Variants in POC1B observed in about 807,000 individuals in gnomAD.
The protein encoded by POC1B is POC1 centriolar protein B, also known as POC1 centriolar protein homolog B.
A neutral mutation model predicts 60.6 loss-of-function variants in POC1B; 44 were observed. That is an observed-to-expected ratio of 0.73 (90% CI 0.57 to 0.93). The LOEUF is 0.93. Among genes scored for constraint, POC1B ranks in the 40% least tolerant of loss-of-function variants. The pLI, the probability that POC1B is intolerant of heterozygous loss-of-function variation, is 0.00. For missense variants in POC1B, 555 were observed against 572.3 expected (o/e 0.97, Z 0.31); for synonymous variants, 180 against 198.9 (o/e 0.90, Z 0.80).
At chr12:89,405,511 C>T in the POC1B span, among the ~76,000 whole-genome samples, 1 of 151,880 alleles carries the variant, frequency 6.6e-6, no homozygotes, top group South Asian at 2.1e-4. Context: ...GGCATGGTGG[C>T]GTATGCCTGT....
chr12:89,470,755 T>C (rs540185088), intron 6 of POC1B, among the ~76,000 whole-genome samples: 4 of 152,312 alleles, frequency 2.6e-5, no homozygotes, highest in South Asian at 4.1e-4. Context: ...TTTGGATATA[T>C]TGCCAATAAA....
chr12:89,454,998 A>G (rs928876442), intron 10 of POC1B, among the ~76,000 whole-genome samples: 2 of 150,016 alleles, frequency 1.3e-5, no homozygotes, highest in Non-Finnish European at 2.9e-5. Flanking sequence ...TTTTATTACC[A>G]TGGTTCATAT....
At chr12:89,463,632 T>G (rs1049144210) in intron 9 of POC1B, among the ~76,000 whole-genome samples, 6 of 152,226 alleles carry the variant, frequency 3.9e-5, no homozygotes, top group African/African-American at 1.2e-4. Context: ...TTCTCATGTT[T>G]TTAATTAAGA....
intron 10 of POC1B, among the ~76,000 whole-genome samples, chr12:89,439,553 G>A (rs1034276840): frequency 6.6e-6 from 1 of 152,132 alleles, no homozygotes; most frequent in African/African-American, 2.4e-5. Flanking sequence ...TGATGCTCAA[G>A]CACACTGTCC....
At chr12:89,498,374 T>C (rs11105303) in intron 2 of POC1B, among the ~76,000 whole-genome samples, 79,642 of 152,092 alleles carry the variant, frequency 0.52, 21,239 homozygotes, top group African/African-American at 0.61. Flanking sequence ...ACAAATTTTA[T>C]TATATGCATG....
At chr12:89,431,694 C>T (rs954085076) in intron 10 of POC1B, among the ~76,000 whole-genome samples, 2 of 152,162 alleles carry the variant, frequency 1.3e-5, no homozygotes, top group Admixed American at 6.5e-5. Flanking sequence ...TTATTTAGCA[C>T]CTATGTGCCA....
At chr12:89,430,858 G>C (rs1053742957) in intron 10 of POC1B, among the ~76,000 whole-genome samples, 1 of 152,074 alleles carries the variant, frequency 6.6e-6, no homozygotes, top group Non-Finnish European at 1.5e-5. Context: ...TCCTGCATCA[G>C]CTGAGCCAAT....
intron 2 of POC1B, chr12:89,500,928 T>G: frequency 1.0e-6 from 1 of 969,284 alleles, no homozygotes; most frequent in South Asian, 1.5e-5. Context: ...AAAAAGTGAA[T>G]CCAGTCCCAT....
At chr12:89,463,597 T>C (rs1158151089) in intron 9 of POC1B, among the ~76,000 whole-genome samples, 1 of 151,884 alleles carries the variant, frequency 6.6e-6, no homozygotes, top group Non-Finnish European at 1.5e-5. Flanking sequence ...TTCTTTCCCA[T>C]CAAAAAAAAG....
At chr12:89,497,374 T>C in intron 2 of POC1B, 32 bp from the exon 3 acceptor site, 1 of 1,587,528 alleles carries the variant, frequency 6.3e-7, no homozygotes, top group Non-Finnish European at 8.6e-7. Flanking sequence ...AAACCACTGT[T>C]TGTTAAAATG....
chr12:89,402,488 C>T, the POC1B span, among the ~76,000 whole-genome samples: 5 of 152,154 alleles, frequency 3.3e-5, no homozygotes, highest in Admixed American at 6.6e-5. Context: ...GCCCAGTACC[C>T]AATAGTTATC....
At chr12:89,512,142 G>A (rs1870219656) in intron 2 of POC1B, among the ~76,000 whole-genome samples, 1 of 152,158 alleles carries the variant, frequency 6.6e-6, no homozygotes. Flanking sequence ...CTTTAATACT[G>A]TAATATGGTC....
intron 7 of POC1B, 53 bp from the exon 8 acceptor site, chr12:89,467,738 G>A: frequency 7.3e-7 from 1 of 1,375,956 alleles, no homozygotes; most frequent in Non-Finnish European, 1.0e-6. Context: ...GCTTTCTCAT[G>A]GCCAAGAAGA....
At chr12:89,402,092 T>G in the POC1B span, among the ~76,000 whole-genome samples, 2 of 152,212 alleles carry the variant, frequency 1.3e-5, no homozygotes, top group African/African-American at 2.4e-5. Flanking sequence ...CCGGTGCCTG[T>G]TCCACAGCAG....
intron 2 of POC1B, chr12:89,500,396 G>A: frequency 6.6e-7 from 1 of 1,508,580 alleles, no homozygotes. Flanking sequence ...GTTTGTTGTA[G>A]AACCAAGTGA....
At chr12:89,487,016 T>C (rs138560774) in intron 4 of POC1B, among the ~76,000 whole-genome samples, 84 of 152,196 alleles carry the variant, frequency 5.5e-4, no homozygotes, top group African/African-American at 1.8e-3. Flanking sequence ...CAGAAATTCA[T>C]TCTGTCTTCA....
chr12:89,467,426 T>C (rs1035188866), intron 8 of POC1B, among the ~76,000 whole-genome samples, 191 bp downstream of exon 8: 4 of 152,184 alleles, frequency 2.6e-5, no homozygotes, highest in Non-Finnish European at 5.9e-5. Context: ...AAAATAACTA[T>C]TTGAGTTCCC....
intron 3 of POC1B, among the ~76,000 whole-genome samples, chr12:89,493,526 T>A (rs1000167118): frequency 1.3e-5 from 2 of 152,114 alleles, no homozygotes; most frequent in African/African-American, 4.8e-5. Context: ...AAAACTGAAA[T>A]ACATATTAAA....
the POC1B span, among the ~76,000 whole-genome samples, chr12:89,405,143 G>A: frequency 6.6e-6 from 1 of 152,132 alleles, no homozygotes; most frequent in Non-Finnish European, 1.5e-5. Flanking sequence ...CGCAAGGATT[G>A]TCAGAACCAA....
Sources: gnomAD v4.1 joint callset for allele counts (sites outside exome capture counted in the v4.1 genomes callset) on GRCh38, gnomAD v4.1.1 for gene constraint, MANE v1.5 for transcripts, NCBI Gene and HGNC (gene_info 2026-07-23, HGNC 2026-07-21) for gene names.